SNX9: variants seen among roughly 807,000 people sequenced by gnomAD.
SNX9 encodes sorting nexin-9.
SNX9 carries 44 observed loss-of-function variants against 89.4 expected under a neutral mutation model. The observed-to-expected ratio is 0.49, with a 90% CI of 0.39 to 0.63. SNX9 has a LOEUF of 0.63. SNX9 is among the 30% of genes least tolerant of loss of function. SNX9 has a pLI of 0.00. For synonymous variants in SNX9, 236 were observed against 247.8 expected (o/e 0.95, Z 0.45); for missense variants, 578 against 736.1 (o/e 0.79, Z 2.49).
chr6:157,878,707 T>C (rs1782567023), intron 4 of SNX9, among the ~76,000 whole-genome samples: 1 of 152,190 alleles, frequency 6.6e-6, no homozygotes, highest in Admixed American at 6.5e-5. Flanking sequence ...ATCCGGCCTA[T>C]GGAAGCCCTT....
At chr6:157,908,698 A>G (rs768463586) in intron 7 of SNX9, among the ~76,000 whole-genome samples, 19 of 152,202 alleles carry the variant, frequency 1.2e-4, no homozygotes, top group Non-Finnish European at 7.3e-5. Context: ...CAGCAGACCT[A>G]TTGTCACCTA....
chr6:157,925,903 AC>A (rs1188342742), intron 10 of SNX9, among the ~76,000 whole-genome samples: 4 of 150,906 alleles, frequency 2.7e-5, no homozygotes, highest in Non-Finnish European at 5.9e-5. Flanking sequence ...AGATCAAGGC[AC>A]CAGCATTTGC....
At chr6:157,853,985 C>T (rs1781962384) in intron 1 of SNX9, among the ~76,000 whole-genome samples, 1 of 152,208 alleles carries the variant, frequency 6.6e-6, no homozygotes, top group Non-Finnish European at 1.5e-5. Context: ...AGGATTTGAA[C>T]CTATGTGCCT....
At chr6:157,924,428 T>A (rs1042735271) in intron 10 of SNX9, 1 of 152,150 alleles carries the variant, frequency 6.6e-6, no homozygotes, top group African/African-American at 2.4e-5. Flanking sequence ...TCTTTCACTC[T>A]GAGTTTTGGT....
chr6:157,843,442 T>A (rs1187621829), intron 1 of SNX9, among the ~76,000 whole-genome samples: 1 of 152,178 alleles, frequency 6.6e-6, no homozygotes, highest in Non-Finnish European at 1.5e-5. Flanking sequence ...AAAGAAAATG[T>A]TATTGAGAAA....
At position 157,944,890 on chromosome 6, in the gene SNX9, G is replaced by A. The variant is rs750939699; in HGVS notation, c.*2052G>A. 6.6e-5 allele frequency: 10 copies of A among 152,324 alleles called. No homozygotes were observed. The highest frequency in any genetic ancestry group is 1.9e-4 in the East Asian group (1 of 5,190). 9.4% of individuals were successfully genotyped at this position (152,324 alleles called of 1,614,324 possible). A position where few individuals can be genotyped will look rare whatever the true frequency, so the allele number is the denominator to read the frequency against. ...TGTGAAAGAAAATAAGAGAATCCACGGGATTTGATGCCTGGAAGATTCTCC... is the reference window on the plus strand; with the variant it reads ...TGTGAAAGAAAATAAGAGAATCCACAGGATTTGATGCCTGGAAGATTCTCC... On this transcript the variant is annotated 3_prime_UTR_variant, in exon 18 of 18. Coordinates refer to ENST00000392185, the MANE Select transcript of SNX9 (RefSeq NM_016224.5).
rs146829982 is a variant in SNX9 at position 157,863,425 on chromosome 6, T to C, written c.13-4122T>C. Reference sequence around the variant, plus strand: ...TAGTTAATGGAACAGATACGTGAGATTGATGTCTAGTAGCCATTCATGTCA... The same window carrying C: ...TAGTTAATGGAACAGATACGTGAGACTGATGTCTAGTAGCCATTCATGTCA... On this transcript the variant is annotated intron_variant, in intron 1 of 17. Transcript: ENST00000392185. Among the ~76,000 whole-genome samples the C allele has an allele frequency of 2.6e-5, 4 of 152,346 alleles. No individual in the cohort carries two copies. In the East Asian group the frequency reaches 7.7e-4, roughly 29 times the overall value.
intron 3 of SNX9, 42 bp from the exon 4 acceptor site, chr6:157,875,009 C>T: frequency 6.2e-7 from 1 of 1,608,902 alleles, no homozygotes; most frequent in East Asian, 2.2e-5. Flanking sequence ...CCTGAAGTGA[C>T]CGTAATCTAT....
intron 15 of SNX9, among the ~76,000 whole-genome samples, chr6:157,937,928 T>A (rs1313075651): frequency 6.6e-6 from 1 of 152,232 alleles, no homozygotes; most frequent in Non-Finnish European, 1.5e-5. Flanking sequence ...CATAGGTAAA[T>A]TAGGTTTGTA....
At chr6:157,923,478 C>A (rs530013477) in intron 10 of SNX9, among the ~76,000 whole-genome samples, 1 of 150,128 alleles carries the variant, frequency 6.7e-6, no homozygotes, top group African/African-American at 2.5e-5. Context: ...TATCAAATAT[C>A]CAGGAATAAA....
At chr6:157,873,633 AATATAG>A (rs66921733) in intron 3 of SNX9, among the ~76,000 whole-genome samples, 280 of 148,238 alleles carry the variant, frequency 1.9e-3, no homozygotes, top group Non-Finnish European at 3.7e-3. Context: ...ATAAATTATA[AATATAG>A]ATATATATTT....
intron 15 of SNX9, 129 bp from the exon 16 acceptor site, chr6:157,938,504 T>C: frequency 3.4e-6 from 2 of 590,724 alleles, no homozygotes; most frequent in South Asian, 5.3e-5. Context: ...CTTTCCTCTC[T>C]TCTTATTTTG....
chr6:157,917,397 A>G (rs900685679), intron 9 of SNX9, among the ~76,000 whole-genome samples: 1 of 151,828 alleles, frequency 6.6e-6, no homozygotes, highest in African/African-American at 2.4e-5. Context: ...TTGTTTTGAG[A>G]TATTTCCGCT....
chr6:157,896,174 T>G (rs992700083), intron 4 of SNX9, among the ~76,000 whole-genome samples: 2 of 152,228 alleles, frequency 1.3e-5, no homozygotes, highest in African/African-American at 4.8e-5. Flanking sequence ...TTTGTTGTAA[T>G]TTTGTGTCTT....
chr6:157,922,922 C>G (rs1413998971), intron 10 of SNX9, among the ~76,000 whole-genome samples: 3 of 152,196 alleles, frequency 2.0e-5, no homozygotes, highest in Non-Finnish European at 4.4e-5. Flanking sequence ...AGGGAACCAC[C>G]TCCAAGTTTG....
chr6:157,919,744 GT>G (rs949329113), intron 9 of SNX9, among the ~76,000 whole-genome samples: 13 of 151,490 alleles, frequency 8.6e-5, no homozygotes, highest in African/African-American at 3.2e-4. Flanking sequence ...TTGACTGTTT[GT>G]TTTTTTCTCA....
intron 1 of SNX9, among the ~76,000 whole-genome samples, chr6:157,834,894 A>G (rs1031443806): frequency 6.6e-6 from 1 of 152,214 alleles, no homozygotes; most frequent in Non-Finnish European, 1.5e-5. Flanking sequence ...TGCAACCCCT[A>G]AAAGCTCCAA....
intron 1 of SNX9, among the ~76,000 whole-genome samples, chr6:157,833,474 TAATTTTCTTAAGTATGGTACTTAAGGA>T (rs1345228666): frequency 6.6e-6 from 1 of 152,194 alleles, no homozygotes; most frequent in African/African-American, 2.4e-5. Context: ...TATTATTTTG[TAATTTTCTTAAGTATGGTACTTAAGGA>T]AATTTTCTTC....
At chr6:157,905,962 G>A (rs1423640221) in intron 6 of SNX9, among the ~76,000 whole-genome samples, 166 bp from the exon 7 acceptor site, 2 of 152,172 alleles carry the variant, frequency 1.3e-5, no homozygotes, top group African/African-American at 2.4e-5. Flanking sequence ...TGCCTAATTG[G>A]CCATTGAACA....
Sources: allele counts gnomAD v4.1 joint callset (sites outside exome capture counted in the v4.1 genomes callset), GRCh38; gene constraint gnomAD v4.1.1; transcripts MANE v1.5; gene names NCBI Gene and HGNC (gene_info 2026-07-23, HGNC 2026-07-21).